SLC10A7: variants seen among roughly 807,000 people sequenced by gnomAD.
SLC10A7 encodes sodium/bile acid cotransporter 7.
Under a neutral mutation model 43.2 loss-of-function variants are expected in SLC10A7, and 29 were observed. The observed-to-expected ratio is 0.67, with a 90% CI of 0.50 to 0.92. The LOEUF is 0.92. SLC10A7 is among the 40% of genes least tolerant of loss of function. The probability of loss-of-function intolerance (pLI) is 0.00; values close to 1 mark genes in which losing one functional copy is unlikely to be tolerated. For missense variants in SLC10A7, 295 were observed against 403.2 expected, an observed-to-expected ratio of 0.73 and a Z score of 2.30; for synonymous variants, 152 against 144.8, an observed-to-expected ratio of 1.05 and a Z score of -0.35.
At chr4:146,389,386 GAA>G (rs1738253927) in intron 5 of SLC10A7, among the ~76,000 whole-genome samples, 1 of 151,736 alleles carries the variant, frequency 6.6e-6, no homozygotes, top group Non-Finnish European at 1.5e-5. Flanking sequence ...GAGACACAGG[GAA>G]AAGTCAGTTG....
chr4:146,422,246 A>T (rs904290978), intron 5 of SLC10A7, among the ~76,000 whole-genome samples: 2 of 152,100 alleles, frequency 1.3e-5, no homozygotes, highest in Non-Finnish European at 2.9e-5. Flanking sequence ...AAAAAAAGAA[A>T]TTTTTCCCAT....
rs117344870 is a variant in SLC10A7 at position 146,299,340 on chromosome 4, T to C, written c.556-5245A>G. On this transcript the variant is annotated intron_variant, in intron 7 of 11. Coordinates refer to ENST00000335472, the MANE Select transcript of SLC10A7 (RefSeq NM_001029998.6). ...AGGTGACTCAGTGGATTAAACTAGGTAGACAAAGTCCCTGCTCTCATGATG... is the reference window on the plus strand; with the variant it reads ...AGGTGACTCAGTGGATTAAACTAGGCAGACAAAGTCCCTGCTCTCATGATG... Among the ~76,000 whole-genome samples the C allele has an allele frequency of 4.6e-4, 70 of 152,280 alleles. No individual in the cohort carries two copies. The East Asian group carries it at 0.014, about 29-fold the overall frequency.
At chr4:146,515,741 C>T (rs919243417) in intron 2 of SLC10A7, among the ~76,000 whole-genome samples, 1 of 151,858 alleles carries the variant, frequency 6.6e-6, no homozygotes, top group African/African-American at 2.4e-5. Flanking sequence ...GAAACCCCAC[C>T]TCTATTAAAA....
chr4:146,513,212 T>C (rs1439570795), intron 2 of SLC10A7, among the ~76,000 whole-genome samples: 1 of 151,906 alleles, frequency 6.6e-6, no homozygotes, highest in East Asian at 1.9e-4. Context: ...CATATGTTCA[T>C]AAAAGTAAGT....
At chr4:146,520,560 G>C (rs1043748396) in intron 1 of SLC10A7, among the ~76,000 whole-genome samples, 3 of 152,180 alleles carry the variant, frequency 2.0e-5, no homozygotes, top group African/African-American at 7.2e-5. Context: ...AGGTTAAGGG[G>C]AGAAGGGACC....
intron 5 of SLC10A7, among the ~76,000 whole-genome samples, chr4:146,382,463 T>C (rs1737697717): frequency 1.3e-5 from 2 of 152,134 alleles, no homozygotes; most frequent in African/African-American, 4.8e-5. Flanking sequence ...CATTTTTGTA[T>C]CTTTAATAAC....
At chr4:146,376,951 C>T (rs942202361) in intron 5 of SLC10A7, among the ~76,000 whole-genome samples, 2 of 151,682 alleles carry the variant, frequency 1.3e-5, no homozygotes, top group African/African-American at 2.4e-5. Context: ...GAGGAAGTAA[C>T]TTGAGGAATG....
intron 5 of SLC10A7, among the ~76,000 whole-genome samples, chr4:146,389,669 G>C (rs1373513076): frequency 6.6e-6 from 1 of 152,154 alleles, no homozygotes; most frequent in Non-Finnish European, 1.5e-5. Flanking sequence ...GCACAACATA[G>C]TGTCTTTATG....
chr4:146,494,500 G>T (rs1362572004), intron 4 of SLC10A7, among the ~76,000 whole-genome samples: 1 of 152,282 alleles, frequency 6.6e-6, no homozygotes, highest in South Asian at 2.1e-4. Flanking sequence ...ATCTAGCAGG[G>T]CTAACACTTT....
At chr4:146,419,960 T>C (rs373612306) in intron 5 of SLC10A7, among the ~76,000 whole-genome samples, 4 of 152,196 alleles carry the variant, frequency 2.6e-5, no homozygotes, top group African/African-American at 7.2e-5. Flanking sequence ...ATGAGCTTTT[T>C]AACATAATGA....
chr4:146,447,189 C>T (rs116819432), intron 4 of SLC10A7, among the ~76,000 whole-genome samples: 2,953 of 152,060 alleles, frequency 0.019, 71 homozygotes, highest in African/African-American at 0.062. Context: ...TAATGTTTTC[C>T]GAGATCAGAT....
At chr4:146,463,911 T>G (rs1203852791) in intron 4 of SLC10A7, among the ~76,000 whole-genome samples, 1 of 150,496 alleles carries the variant, frequency 6.6e-6, no homozygotes, top group African/African-American at 2.4e-5. Flanking sequence ...GCAGTCTCAA[T>G]CTCCTGGGCT....
chr4:146,291,483 C>CT lies in SLC10A7; in HGVS notation c.773+1445dup, dbSNP rs547302881. Among the ~76,000 whole-genome samples, 35 of 152,314 alleles carry CT rather than the reference C, an allele frequency of 2.3e-4. 2 individuals are homozygous for CT. The South Asian group carries it at 7.3e-3, about 32-fold the overall frequency. On this transcript the variant is annotated intron_variant, in intron 9 of 11. Transcript: ENST00000335472. ...GCCTGCACCATCCACTGCTCTGACG[C>CT]TTTTTCAAGCCTTATAAACAGCATA...
intron 5 of SLC10A7, among the ~76,000 whole-genome samples, chr4:146,390,387 G>C (rs1421528578): frequency 6.6e-6 from 1 of 152,192 alleles, no homozygotes; most frequent in Non-Finnish European, 1.5e-5. Context: ...CCAGCACTTT[G>C]GGAGGCCAAG....
intron 4 of SLC10A7, among the ~76,000 whole-genome samples, chr4:146,475,363 C>T (rs904443571): frequency 1.3e-5 from 2 of 151,798 alleles, no homozygotes; most frequent in African/African-American, 2.4e-5. Context: ...CCACTTAAAA[C>T]GTTTCCTGTC....
chr4:146,420,555 GA>G lies in SLC10A7; in HGVS notation c.435+22227del, dbSNP rs572520002. 4.1e-3 allele frequency among the ~76,000 whole-genome samples: 626 copies of G among 152,228 alleles called. 3 individuals are homozygous for G. The highest frequency in any genetic ancestry group is 0.014 in the African/African-American group (575 of 41,554). On this transcript the variant is annotated intron_variant, in intron 5 of 11. Transcript: ENST00000335472. ...GAAGAAAGTGGATGGAAATGTAGAG[GA>G]AAAAAGACTGGGCTGAGTTGACATC...
At chr4:146,365,340 T>G (rs1736320515) in intron 5 of SLC10A7, among the ~76,000 whole-genome samples, 1 of 152,202 alleles carries the variant, frequency 6.6e-6, no homozygotes, top group Non-Finnish European at 1.5e-5. Context: ...TTTAAAATTT[T>G]TATCTGGATA....
At chr4:146,307,478 T>C (rs1007618442) in intron 6 of SLC10A7, among the ~76,000 whole-genome samples, 1 of 152,198 alleles carries the variant, frequency 6.6e-6, no homozygotes, top group Admixed American at 6.5e-5. Flanking sequence ...AATTAAGCTC[T>C]ATTTTAAAGC....
chr4:146,356,709 A>G (rs1275147034), intron 5 of SLC10A7, among the ~76,000 whole-genome samples: 1 of 151,896 alleles, frequency 6.6e-6, no homozygotes, highest in Admixed American at 6.6e-5. Context: ...TCTTACCTCT[A>G]TCCCCCAACT....
Sources: gnomAD v4.1 joint callset for allele counts (sites outside exome capture counted in the v4.1 genomes callset) on GRCh38, gnomAD v4.1.1 for gene constraint, MANE v1.5 for transcripts, NCBI Gene and HGNC (gene_info 2026-07-23, HGNC 2026-07-21) for gene names.